Variants in VPS35L observed in about 807,000 individuals in gnomAD.
The protein encoded by VPS35L is VPS35 endosomal protein-sorting factor-like.
VPS35L carries 83 observed loss-of-function variants against 133.0 expected under a neutral mutation model. The observed-to-expected ratio is 0.62, with a 90% confidence interval of 0.52 to 0.75. VPS35L has a LOEUF of 0.75. Among genes scored for constraint, VPS35L ranks in the 30% least tolerant of loss-of-function variants. The probability of loss-of-function intolerance (pLI) is 0.00; values close to 1 mark genes in which losing one functional copy is unlikely to be tolerated. For synonymous variants in VPS35L, 423 were observed against 449.9 expected, an observed-to-expected ratio of 0.94 and a Z score of 0.76; for missense variants, 1,083 against 1,206.8, an observed-to-expected ratio of 0.90 and a Z score of 1.52.
chr16:19,620,269 T>C (rs1026341992), intron 14 of VPS35L, among the ~76,000 whole-genome samples: 10 of 152,180 alleles, frequency 6.6e-5, no homozygotes, highest in Non-Finnish European at 1.3e-4. Context: ...TTAAATATGG[T>C]TGTGGTTCTC....
intron 27 of VPS35L, among the ~76,000 whole-genome samples, chr16:19,673,038 A>T (rs1312554754): frequency 6.6e-6 from 1 of 152,160 alleles, no homozygotes; most frequent in Non-Finnish European, 1.5e-5. Context: ...AGACTTTGGG[A>T]AAGTTTTATA....
At chr16:19,579,285 G>A (rs1399432299) in intron 6 of VPS35L, 157 bp downstream of exon 6, 12 of 650,156 alleles carry the variant, frequency 1.8e-5, no homozygotes, top group Non-Finnish European at 3.1e-5. Context: ...AAGGGTGCCA[G>A]TGTGCAGTTG....
chr16:19,664,085 T>C (rs545873199), intron 26 of VPS35L, among the ~76,000 whole-genome samples: 36 of 152,124 alleles, frequency 2.4e-4, no homozygotes, highest in African/African-American at 8.7e-4. Context: ...AGATGGAAAA[T>C]GTCAAATGTG....
intron 26 of VPS35L, among the ~76,000 whole-genome samples, chr16:19,666,006 C>T (rs1263852991): frequency 1.3e-5 from 2 of 151,658 alleles, no homozygotes; most frequent in African/African-American, 4.8e-5. Flanking sequence ...AAATCTTTTG[C>T]CCATTTTTAA....
At chr16:19,631,576 A>G (rs1427753321) in intron 18 of VPS35L, among the ~76,000 whole-genome samples, 5 of 152,220 alleles carry the variant, frequency 3.3e-5, no homozygotes, top group Admixed American at 6.5e-5. Context: ...GGAATTATCA[A>G]TTTATGACAG....
chr16:19,696,106 G>C (rs1008264021), intron 29 of VPS35L, among the ~76,000 whole-genome samples: 3 of 152,022 alleles, frequency 2.0e-5, no homozygotes, highest in African/African-American at 7.2e-5. Context: ...GGATGGTCTC[G>C]ATCTCCTGAC....
chr16:19,605,409 A>C (rs1383076871), intron 9 of VPS35L, among the ~76,000 whole-genome samples: 1 of 152,324 alleles, frequency 6.6e-6, no homozygotes, highest in South Asian at 2.1e-4. Flanking sequence ...TGTCATTGCC[A>C]TTCCTGTGCC....
intron 27 of VPS35L, among the ~76,000 whole-genome samples, chr16:19,679,485 T>G (rs1567481448): frequency 8.2e-6 from 1 of 121,564 alleles, no homozygotes. Flanking sequence ...ATTTATTTAT[T>G]TATTTATTTA....
intron 26 of VPS35L, among the ~76,000 whole-genome samples, chr16:19,668,340 A>G (rs72769507): frequency 3.3e-5 from 5 of 152,250 alleles, no homozygotes; most frequent in African/African-American, 7.2e-5. Context: ...CTCACGGTCA[A>G]TACCTTGGCA....
chr16:19,636,010 C>T (rs1973611949), intron 19 of VPS35L, among the ~76,000 whole-genome samples: 2 of 152,046 alleles, frequency 1.3e-5, no homozygotes, highest in Admixed American at 1.3e-4. Flanking sequence ...ATGGCAAAAC[C>T]CCGTCACTAC....
intron 18 of VPS35L, among the ~76,000 whole-genome samples, chr16:19,631,656 T>C (rs1973459674): frequency 6.6e-6 from 1 of 152,192 alleles, no homozygotes; most frequent in South Asian, 2.1e-4. Flanking sequence ...TCTCAGACAT[T>C]GTATCGTTTC....
rs1450004155 is a variant in VPS35L, at chr16:19,700,533, T to C, written c.*57T>C. ...TGGTGCCAAATCCAGAAAGATCTGC[T>C]CTGCTGCCCTGAACTCTTACGGCAA... On this transcript the variant is annotated 3_prime_UTR_variant, in exon 31 of 31. Transcript: ENST00000417362. The C allele has an allele frequency of 1.4e-6, 2 of 1,410,136 alleles. No individual in the cohort carries two copies. Among genetic ancestry groups the C allele is most frequent in the Non-Finnish European group, 2.0e-6 (2 of 1,000,116 alleles). The allele number at this position is 1,410,136 out of a possible 1,614,324, so 87.4% of individuals were successfully genotyped here.
At chr16:19,560,708 A>G (rs1971000360) in intron 1 of VPS35L, among the ~76,000 whole-genome samples, 1 of 152,122 alleles carries the variant, frequency 6.6e-6, no homozygotes, top group Non-Finnish European at 1.5e-5. Context: ...AGGCAGGAGA[A>G]TTGAGTGAAT....
At chr16:19,660,965 AT>A (rs1195652103) in intron 26 of VPS35L, among the ~76,000 whole-genome samples, 3 of 151,292 alleles carry the variant, frequency 2.0e-5, no homozygotes, top group African/African-American at 7.3e-5. Context: ...GGACATCTTG[AT>A]TTTTTTCTTT....
intron 14 of VPS35L, chr16:19,617,159 G>A (rs79502315): frequency 4.0e-5 from 22 of 543,856 alleles, no homozygotes; most frequent in African/African-American, 1.5e-4. Flanking sequence ...AGTTTGAGAC[G>A]AGCTTTGGCA....
chr16:19,573,263 C>T (rs1354332497), intron 4 of VPS35L, 22 bp downstream of exon 4: 1 of 1,609,780 alleles, frequency 6.2e-7, no homozygotes, highest in East Asian at 2.2e-5. Context: ...GAGACCCTCT[C>T]CAGAGTCTAC....
intron 26 of VPS35L, among the ~76,000 whole-genome samples, chr16:19,668,690 C>A (rs1381751859): frequency 6.6e-6 from 1 of 151,820 alleles, no homozygotes; most frequent in Non-Finnish European, 1.5e-5. Flanking sequence ...TTCAAACTGA[C>A]CTGGGTTTGA....
At chr16:19,597,416 T>C (rs1232938381) in intron 8 of VPS35L, among the ~76,000 whole-genome samples, 3 of 150,318 alleles carry the variant, frequency 2.0e-5, no homozygotes, top group Non-Finnish European at 4.4e-5. Context: ...TACATGTTGG[T>C]ATTCACTTGT....
At position 19,570,834 on chromosome 16, in the gene VPS35L, C is replaced by CATATATAT. The variant is rs58794831; in HGVS notation, c.285+1292_285+1299dup. ...TCGATCATCATCCTATGCTGTGTTTCATATATATATATATATATATATATA... is the reference window on the plus strand; with the variant it reads ...TCGATCATCATCCTATGCTGTGTTTCATATATATATATATATATATATATATATATATA... On this transcript the variant is annotated intron_variant, in intron 3 of 30. Coordinates refer to ENST00000417362, the MANE Select transcript of VPS35L (RefSeq NM_020314.7). Among the ~76,000 whole-genome samples, 281 of 78,702 alleles carry CATATATAT rather than the reference C, an allele frequency of 3.6e-3. 3 individuals are homozygous for CATATATAT. The highest frequency in any genetic ancestry group is 6.3e-3 in the Non-Finnish European group (228 of 35,992). 51.6% of individuals were successfully genotyped at this position (78,702 alleles called of 152,430 possible). A position where few individuals can be genotyped will look rare whatever the true frequency, so the allele number is the denominator to read the frequency against.
Sources: gnomAD v4.1 joint callset for allele counts (sites outside exome capture counted in the v4.1 genomes callset) on GRCh38, gnomAD v4.1.1 for gene constraint, MANE v1.5 for transcripts, NCBI Gene and HGNC (gene_info 2026-07-23, HGNC 2026-07-21) for gene names.